Variants in ZCWPW2 observed in about 807,000 individuals in gnomAD.
ZCWPW2 encodes the protein zinc finger CW-type PWWP domain protein 2.
A neutral mutation model predicts 46.6 loss-of-function variants in ZCWPW2; 45 were observed. The observed-to-expected ratio is 0.96, with a 90% CI of 0.76 to 1.24. The LOEUF (loss-of-function observed/expected upper bound fraction) is 1.24, where lower values mean the gene tolerates loss of function less well. ZCWPW2 is among the 50% of genes most tolerant of loss of function. The pLI, the probability that ZCWPW2 is intolerant of heterozygous loss-of-function variation, is 0.00. For missense variants in ZCWPW2, 429 were observed against 403.9 expected (o/e 1.06, Z -0.53); for synonymous variants, 152 against 137.1 (o/e 1.11, Z -0.76).
chr3:28,512,805 T>A (rs1700464221), intron 6 of ZCWPW2, among the ~76,000 whole-genome samples: 1 of 152,154 alleles, frequency 6.6e-6, no homozygotes, highest in African/African-American at 2.4e-5. Context: ...TCTTAAAAAT[T>A]CTTTCATGGC....
intron 1 of ZCWPW2, among the ~76,000 whole-genome samples, chr3:28,376,428 G>A (rs1262674231): frequency 6.6e-6 from 1 of 151,982 alleles, no homozygotes; most frequent in South Asian, 2.1e-4. Flanking sequence ...TTTTTGGATA[G>A]ATTTATGTTT....
chr3:28,369,807 A>G (rs1481613807), intron 1 of ZCWPW2, among the ~76,000 whole-genome samples: 1 of 152,188 alleles, frequency 6.6e-6, no homozygotes, highest in Non-Finnish European at 1.5e-5. Flanking sequence ...GGCTCCACCC[A>G]GTTGGAGCTT....
At chr3:28,410,142 A>G (rs1393148154) in intron 2 of ZCWPW2, among the ~76,000 whole-genome samples, 2 of 152,128 alleles carry the variant, frequency 1.3e-5, no homozygotes, top group Non-Finnish European at 2.9e-5. Context: ...GCATCATTAC[A>G]TAAGATGAGG....
At chr3:28,381,048 G>T (rs1303954230) in intron 1 of ZCWPW2, among the ~76,000 whole-genome samples, 2 of 11,082 alleles carry the variant, frequency 1.8e-4, no homozygotes, top group African/African-American at 3.1e-4. Flanking sequence ...TATATATTTG[G>T]TGTATATATA....
At chr3:28,417,128 A>G (rs1426743096) in intron 3 of ZCWPW2, among the ~76,000 whole-genome samples, 1 of 151,558 alleles carries the variant, frequency 6.6e-6, no homozygotes, top group Non-Finnish European at 1.5e-5. Context: ...AGAAGAAAAG[A>G]CAAAGGGGAT....
chr3:28,447,713 G>C lies in ZCWPW2; in HGVS notation c.492+12444G>C, dbSNP rs73825165. 5,318 of 550,576 alleles carry C rather than the reference G, an allele frequency of 9.7e-3. 119 individuals are homozygous for C. The highest frequency in any genetic ancestry group is 0.057 in the African/African-American group (3,045 of 52,960). 34.1% of individuals were successfully genotyped at this position (550,576 alleles called of 1,614,324 possible). On this transcript the variant is annotated intron_variant, in intron 4 of 9. Coordinates refer to ENST00000383768, the MANE Select transcript of ZCWPW2 (RefSeq NM_001040432.4). Reference sequence around the variant, plus strand: ...ATCTAGCTTCCACGAACGTTGTCTAGAGGCACTCAGAATGGTCCAGCATTT... The same window carrying C: ...ATCTAGCTTCCACGAACGTTGTCTACAGGCACTCAGAATGGTCCAGCATTT...
At chr3:28,354,818 A>C in intron 1 of ZCWPW2, among the ~76,000 whole-genome samples, 1 of 87,110 alleles carries the variant, frequency 1.1e-5, no homozygotes, top group Non-Finnish European at 2.3e-5. Context: ...CATGCTAAAA[A>C]CTCTCAATAA....
At chr3:28,361,094 C>A (rs79688865) in intron 1 of ZCWPW2, among the ~76,000 whole-genome samples, 1,800 of 151,202 alleles carry the variant, frequency 0.012, 40 homozygotes, top group African/African-American at 0.041. Flanking sequence ...ATTCTAAAAT[C>A]AAAAAAAAGG....
chr3:28,436,464 G>A (rs1470810062), intron 4 of ZCWPW2, among the ~76,000 whole-genome samples: 2 of 151,068 alleles, frequency 1.3e-5, no homozygotes, highest in Non-Finnish European at 2.9e-5. Flanking sequence ...TTTGTTAATA[G>A]ATGTGTACAT....
chr3:28,473,582 AAT>A (rs1699119479), intron 4 of ZCWPW2, among the ~76,000 whole-genome samples: 1 of 152,198 alleles, frequency 6.6e-6, no homozygotes, highest in African/African-American at 2.4e-5. Flanking sequence ...TCTACACTCT[AAT>A]GTTTATTGTA....
intron 1 of ZCWPW2, among the ~76,000 whole-genome samples, chr3:28,380,962 A>G (rs1437137089): frequency 3.7e-5 from 2 of 53,906 alleles, no homozygotes; most frequent in Admixed American, 2.3e-4. Context: ...ATATATATAT[A>G]TATATATATT....
At chr3:28,455,589 T>G (rs909657887) in intron 4 of ZCWPW2, among the ~76,000 whole-genome samples, 7 of 152,142 alleles carry the variant, frequency 4.6e-5, no homozygotes, top group Admixed American at 1.3e-4. Context: ...TTGCCTAGTT[T>G]TTTTTTTCCA....
At chr3:28,403,424 C>T (rs775454792) in intron 2 of ZCWPW2, among the ~76,000 whole-genome samples, 8 of 152,076 alleles carry the variant, frequency 5.3e-5, no homozygotes, top group Admixed American at 2.0e-4. Context: ...AAACATCCCA[C>T]GCTCATGGAT....
At chr3:28,371,007 C>T (rs1384750369) in intron 1 of ZCWPW2, among the ~76,000 whole-genome samples, 1 of 152,068 alleles carries the variant, frequency 6.6e-6, no homozygotes, top group East Asian at 1.9e-4. Context: ...GCTGTGATTA[C>T]AGGTGTGAAC....
chr3:28,367,942 G>C (rs1444611720), intron 1 of ZCWPW2, among the ~76,000 whole-genome samples: 1 of 152,088 alleles, frequency 6.6e-6, no homozygotes, highest in African/African-American at 2.4e-5. Flanking sequence ...TTTAAAGTCT[G>C]TTTTATCAGA....
chr3:28,401,657 C>G lies in ZCWPW2; in HGVS notation c.-14+11040C>G, dbSNP rs138857587. Among the ~76,000 whole-genome samples the G allele has an allele frequency of 1.1e-3, 173 of 152,222 alleles. 1 individual carries two copies. Among genetic ancestry groups the G allele is most frequent in the African/African-American group, 3.9e-3 (163 of 41,542 alleles). ...ACATTCTTTTCAGCAGCACATGGAACTTTCTCCAAGATAGACCATATTATA... is the reference window on the plus strand; with the variant it reads ...ACATTCTTTTCAGCAGCACATGGAAGTTTCTCCAAGATAGACCATATTATA... On this transcript the variant is annotated intron_variant, in intron 2 of 9. Coordinates refer to ENST00000383768, the MANE Select transcript of ZCWPW2 (RefSeq NM_001040432.4).
At chr3:28,510,320 G>T (rs1157888191) in intron 6 of ZCWPW2, among the ~76,000 whole-genome samples, 1 of 152,146 alleles carries the variant, frequency 6.6e-6, no homozygotes, top group Non-Finnish European at 1.5e-5. Flanking sequence ...GCCTTTGGCT[G>T]AACTTTGTGA....
intron 1 of ZCWPW2, among the ~76,000 whole-genome samples, chr3:28,380,724 C>T (rs1559480431): frequency 6.6e-6 from 1 of 151,570 alleles, no homozygotes; most frequent in African/African-American, 2.4e-5. Flanking sequence ...TGATTAATCT[C>T]TTTCCATTTT....
chr3:28,514,222 C>T lies in ZCWPW2; in HGVS notation c.716+100C>T, dbSNP rs573774788. The T allele has an allele frequency of 1.1e-4, 81 of 757,934 alleles. No homozygotes were observed. The East Asian group carries it at 2.0e-3, about 19-fold the overall frequency. The allele number at this position is 757,934 out of a possible 1,614,324, so 47.0% of individuals were successfully genotyped here. ...CTAATAACCCTAAACAACATCTTTA[C>T]GTCTAGTCAACCACTGCATAGTCAG... On this transcript the variant is annotated intron_variant, in intron 7 of 9. Coordinates refer to ENST00000383768, the MANE Select transcript of ZCWPW2 (RefSeq NM_001040432.4).
Sources: allele counts gnomAD v4.1 joint callset (sites outside exome capture counted in the v4.1 genomes callset), GRCh38; gene constraint gnomAD v4.1.1; transcripts MANE v1.5; gene names NCBI Gene and HGNC (gene_info 2026-07-23, HGNC 2026-07-21).